LYSMD4: variants seen among roughly 807,000 people sequenced by gnomAD.
LYSMD4 encodes LysM domain containing 4, also known as lysM and putative peptidoglycan-binding domain-containing protein 4.
Under a neutral mutation model 6.1 loss-of-function variants are expected in LYSMD4, and 9 were observed. The observed-to-expected ratio is 1.47, with a 90% CI of 0.88 to 2.56. The LOEUF is 2.56. LYSMD4 is among the 30% of genes most tolerant of loss of function. The probability of loss-of-function intolerance (pLI) is 0.00; values close to 1 mark genes in which losing one functional copy is unlikely to be tolerated. For missense variants in LYSMD4, 384 were observed against 373.5 expected (o/e 1.03, Z -0.23); for synonymous variants, 143 against 148.5 (o/e 0.96, Z 0.27).
At position 99,728,906 on chromosome 15, in the gene LYSMD4, G is replaced by T; in HGVS notation, c.*217C>A. The T allele has an allele frequency of 3.2e-6, 2 of 619,156 alleles. No individual in the cohort carries two copies. Among genetic ancestry groups the T allele is most frequent in the South Asian group, 2.0e-5 (1 of 50,762 alleles). 38.4% of individuals were successfully genotyped at this position (619,156 alleles called of 1,614,324 possible). On this transcript the variant is annotated 3_prime_UTR_variant, in exon 3 of 3. Coordinates refer to ENST00000684762, the MANE Select transcript of LYSMD4 (RefSeq NM_001284417.2). ...ATGGCTCTCTTGCTGCACCTCTCTG[G>T]ATAGGGGCCGAGGTCGCTGCTGTTT...
intron 2 of LYSMD4, chr15:99,731,477 A>C (rs897481456): frequency 2.5e-6 from 4 of 1,596,702 alleles, no homozygotes; most frequent in Non-Finnish European, 1.7e-6. Context: ...CAGGAAAAGG[A>C]GAAGTTCCCT....
At chr15:99,721,704 C>T (rs2059239215), upstream of LYSMD4, among the ~76,000 whole-genome samples, 2 of 152,188 alleles carry the variant, frequency 1.3e-5, no homozygotes, top group Admixed American at 6.5e-5. Flanking sequence ...TTGGCTGCCC[C>T]TCCCCTGACC....
At chr15:99,716,960 G>C in exon 1 of LYSMD4, 1 of 304,688 alleles carries the variant, frequency 3.3e-6, no homozygotes, top group East Asian at 8.1e-5. Context: ...TGCAGCAGAA[G>C]ACAGATGTGC....
rs2059306058 is a variant in LYSMD4, at chr15:99,727,850, C to G, written c.*1273G>C. On this transcript the variant is annotated 3_prime_UTR_variant, in exon 3 of 3. Transcript: ENST00000684762. ...CATCTGGGCAGTGTCTGCCTCCTGT[C>G]CAGAACTCTTGGAGGCCGGGCCAGC... 1 of 152,442 alleles carries G rather than the reference C, an allele frequency of 6.6e-6. No individual in the cohort carries two copies. The highest frequency in any genetic ancestry group is 2.1e-4 in the South Asian group (1 of 4,834). The allele number at this position is 152,442 out of a possible 1,614,324, so 9.4% of individuals were successfully genotyped here. A position where few individuals can be genotyped will look rare whatever the true frequency, so the allele number is the denominator to read the frequency against.
chr15:99,733,079 G>C (rs1682659981), intron 1 of LYSMD4: 1 of 350,196 alleles, frequency 2.9e-6, no homozygotes, highest in African/African-American at 2.1e-5. Context: ...AATGGGGAGC[G>C]GCCCGGCCCC....
chr15:99,727,089 G>A (rs558706288), downstream of LYSMD4, among the ~76,000 whole-genome samples: 23 of 152,252 alleles, frequency 1.5e-4, no homozygotes, highest in African/African-American at 5.1e-4. Flanking sequence ...ATTTTAAAAG[G>A]TTGAGGCAGG....
intron 2 of LYSMD4, chr15:99,731,313 A>G: frequency 6.2e-7 from 1 of 1,601,920 alleles, no homozygotes; most frequent in South Asian, 1.1e-5. Flanking sequence ...AGCTACCACC[A>G]AGAAAGGTTC....
chr15:99,726,622 C>G (rs2059285372), downstream of LYSMD4, among the ~76,000 whole-genome samples: 1 of 152,138 alleles, frequency 6.6e-6, no homozygotes, highest in Non-Finnish European at 1.5e-5. Flanking sequence ...TCTGGGTGAC[C>G]CTGAGGTGTC....
chr15:99,721,335 A>T (rs1327366256), upstream of LYSMD4, among the ~76,000 whole-genome samples: 1 of 152,134 alleles, frequency 6.6e-6, no homozygotes. Context: ...AGGAGCACTG[A>T]TCTCAAAGTG....
At chr15:99,724,841 C>T (rs1404336114), downstream of LYSMD4, among the ~76,000 whole-genome samples, 2 of 152,212 alleles carry the variant, frequency 1.3e-5, no homozygotes, top group Non-Finnish European at 2.9e-5. Context: ...TTTGAGCAGG[C>T]ATGGGAAGGG....
chr15:99,726,212 C>T (rs1195354731), downstream of LYSMD4, among the ~76,000 whole-genome samples: 2 of 138,140 alleles, frequency 1.4e-5, no homozygotes, highest in South Asian at 2.5e-4. Flanking sequence ...GGCCCGATCT[C>T]GGCTCACTGC....
downstream of LYSMD4, among the ~76,000 whole-genome samples, chr15:99,726,253 C>CG (rs1402068166): frequency 1.3e-5 from 2 of 148,980 alleles, no homozygotes; most frequent in Non-Finnish European, 3.0e-5. Flanking sequence ...AAGCCATTCC[C>CG]GTGCCACAGC....
At chr15:99,724,770 C>G (rs2059264299), downstream of LYSMD4, among the ~76,000 whole-genome samples, 1 of 152,212 alleles carries the variant, frequency 6.6e-6, no homozygotes, top group Non-Finnish European at 1.5e-5. Flanking sequence ...AAGTCTCCCC[C>G]AGGTGTGGTA....
chr15:99,716,251 G>A (rs2059140637), exon 1 of LYSMD4: 2 of 332,182 alleles, frequency 6.0e-6, no homozygotes, highest in East Asian at 7.7e-5. Flanking sequence ...AGCTGTACAC[G>A]GTTTGATCAT....
At position 99,729,413 on chromosome 15, in the gene LYSMD4, G is replaced by A; in HGVS notation, c.601C>T (p.Leu201Phe). 3 of 1,614,248 alleles carry A rather than the reference G, an allele frequency of 1.9e-6. No individual in the cohort carries two copies. Among genetic ancestry groups the A allele is most frequent in the South Asian group, 2.2e-5 (2 of 91,092 alleles). ...ATAGGCGTCTTCGGAGGTGCCGGGA[G>A]CAGTGGCTGATGGGAGGTGTCCATG... is the stretch of plus-strand genomic sequence containing the variant. ...YCMDTSHQPL[L>F]PAPPKTPMDG... The change falls in exon 3 of 3, where the codon CTC becomes TTC. Residue 201 changes from leucine to phenylalanine, a missense_variant. Leu to Phe is a conservative substitution (Grantham distance 22). Transcript: ENST00000684762.
upstream of LYSMD4, among the ~76,000 whole-genome samples, chr15:99,720,196 T>C (rs2059227748): frequency 6.6e-6 from 1 of 152,266 alleles, no homozygotes; most frequent in Admixed American, 6.5e-5. Flanking sequence ...GGAAATATTT[T>C]CCGTACACCA....
chr15:99,727,283 G>GA (rs1373998387), downstream of LYSMD4: 1 of 152,420 alleles, frequency 6.6e-6, no homozygotes, highest in Non-Finnish European at 1.5e-5. Context: ...GCTGAGGCAG[G>GA]AGAATCGCTT....
At chr15:99,731,520 T>A (rs1395132329) in intron 2 of LYSMD4, 198 bp downstream of exon 2, 1 of 1,566,066 alleles carries the variant, frequency 6.4e-7, no homozygotes, top group Non-Finnish European at 8.6e-7. Context: ...CCTCCCTCTT[T>A]GGGGGCCAGG....
At chr15:99,721,560 C>A (rs962004239), upstream of LYSMD4, among the ~76,000 whole-genome samples, 19 of 152,302 alleles carry the variant, frequency 1.2e-4, no homozygotes, top group African/African-American at 3.1e-4. Context: ...CCTTCCTAAG[C>A]CTTTCTAAGA....
Sources: allele counts gnomAD v4.1 joint callset (sites outside exome capture counted in the v4.1 genomes callset), GRCh38; gene constraint gnomAD v4.1.1; transcripts MANE v1.5; gene names NCBI Gene and HGNC (gene_info 2026-07-23, HGNC 2026-07-21).